Variants in FHIP1A observed in about 807,000 individuals in gnomAD.
FHIP1A encodes the protein FHF complex subunit HOOK-interacting protein 1A.
In FHIP1A, 61 loss-of-function variants were observed where a neutral mutation model predicts 88.6. The ratio of observed to expected loss-of-function variants is 0.69; its 90% CI spans 0.56 to 0.85. The LOEUF (loss-of-function observed/expected upper bound fraction) is 0.85. Among genes scored for constraint, FHIP1A ranks in the 40% least tolerant of loss-of-function variants. The probability of loss-of-function intolerance (pLI) is 0.00; values close to 1 mark genes in which losing one functional copy is unlikely to be tolerated. For synonymous variants in FHIP1A, 478 were observed against 496.0 expected (o/e 0.96, Z 0.48); for missense variants, 1,154 against 1,273.5 (o/e 0.91, Z 1.43).
chr4:151,478,020 G>C lies in FHIP1A; in HGVS notation c.-247-4504G>C, dbSNP rs565026889. On this transcript the variant is annotated intron_variant, in intron 2 of 13. Transcript: ENST00000435205. ...ACTATGAATGTATTCTGCATATACT[G>C]TACATACTTATTACATGCATGAGAA... Among the ~76,000 whole-genome samples the C allele has an allele frequency of 2.0e-5, 3 of 152,132 alleles. No homozygotes were observed. In the South Asian group the frequency reaches 6.2e-4, roughly 32 times the overall value.
At chr4:151,545,051 G>C (rs1414019649) in intron 3 of FHIP1A, among the ~76,000 whole-genome samples, 1 of 152,116 alleles carries the variant, frequency 6.6e-6, no homozygotes, top group Non-Finnish European at 1.5e-5. Flanking sequence ...CTCCAGCCTG[G>C]GCAACACAGT....
At chr4:151,518,407 G>A (rs750490796) in intron 3 of FHIP1A, among the ~76,000 whole-genome samples, 3 of 152,090 alleles carry the variant, frequency 2.0e-5, no homozygotes, top group Non-Finnish European at 4.4e-5. Flanking sequence ...GTAAGGATGC[G>A]TTTCTCAGAA....
rs1303087618 is a variant in FHIP1A at position 151,656,548 on chromosome 4, C to T, written c.2730+138C>T. ...CTTTCCTTCCCTGTCCTATTAAGCTCACTGTGTAGTTTATTCTAGACAAAC... is the reference window on the plus strand; with the variant it reads ...CTTTCCTTCCCTGTCCTATTAAGCTTACTGTGTAGTTTATTCTAGACAAAC... On this transcript the variant is annotated intron_variant, in intron 12 of 13. Transcript: ENST00000435205. This position sits in a 1 kb window ranked among gnomAD's most constrained non-coding sequence, Gnocchi z 4.2. The T allele has an allele frequency of 9.7e-7, 1 of 1,036,108 alleles. No homozygotes were observed. Among genetic ancestry groups the T allele is most frequent in the Admixed American group, 2.6e-5 (1 of 39,134 alleles). 64.2% of individuals were successfully genotyped at this position (1,036,108 alleles called of 1,614,324 possible). A position where few individuals can be genotyped will look rare whatever the true frequency, so the allele number is the denominator to read the frequency against.
At position 151,494,492 on chromosome 4, in the gene FHIP1A, C is replaced by G. The variant is rs978153583; in HGVS notation, c.-123+11844C>G. Reference sequence around the variant, plus strand: ...AGATCAGATGGTTGTAGATGTATAGCTTTATTTCTAGGCTCTCTATTCTGT... The same window carrying G: ...AGATCAGATGGTTGTAGATGTATAGGTTTATTTCTAGGCTCTCTATTCTGT... On this transcript the variant is annotated intron_variant, in intron 3 of 13. Transcript: ENST00000435205. Among the ~76,000 whole-genome samples the G allele has an allele frequency of 2.6e-5, 4 of 152,080 alleles. No homozygotes were observed. In the South Asian group the frequency reaches 8.3e-4, roughly 31 times the overall value.
chr4:151,523,173 C>T (rs1224287757), intron 3 of FHIP1A, among the ~76,000 whole-genome samples: 1 of 152,114 alleles, frequency 6.6e-6, no homozygotes, highest in Non-Finnish European at 1.5e-5. Context: ...GAGGCGGTTG[C>T]AGGAGAAAAT....
At chr4:151,570,652 T>C (rs1011807803) in intron 4 of FHIP1A, among the ~76,000 whole-genome samples, 1 of 152,198 alleles carries the variant, frequency 6.6e-6, no homozygotes, top group African/African-American at 2.4e-5. Context: ...ATACAGTATC[T>C]TCTTCACACT....
chr4:151,609,614 C>G (rs946008640), intron 7 of FHIP1A, among the ~76,000 whole-genome samples: 8 of 152,038 alleles, frequency 5.3e-5, no homozygotes, highest in Admixed American at 2.0e-4. Flanking sequence ...TATCTGAAGT[C>G]TTGTGCTGAG....
intron 5 of FHIP1A, among the ~76,000 whole-genome samples, chr4:151,582,868 T>C (rs1459990866): frequency 2.0e-5 from 3 of 152,236 alleles, no homozygotes; most frequent in African/African-American, 7.2e-5. Context: ...TTTAATAATT[T>C]AATTCTAAGT....
intron 2 of FHIP1A, among the ~76,000 whole-genome samples, chr4:151,481,703 T>A (rs1729901830): frequency 6.6e-6 from 1 of 152,062 alleles, no homozygotes. Context: ...AAAAATGTAC[T>A]CTCTTGGACA....
At chr4:151,567,071 T>A (rs1293832542) in intron 4 of FHIP1A, among the ~76,000 whole-genome samples, 1 of 152,030 alleles carries the variant, frequency 6.6e-6, no homozygotes, top group Non-Finnish European at 1.5e-5. Flanking sequence ...GATTATAAAA[T>A]TTTTTTTGAT....
intron 1 of FHIP1A, among the ~76,000 whole-genome samples, chr4:151,424,973 G>T (rs1733308531): frequency 6.6e-6 from 1 of 152,186 alleles, no homozygotes; most frequent in African/African-American, 2.4e-5. Context: ...ATGGACATCA[G>T]TAGCTGCTAA....
chr4:151,539,292 G>A (rs1035618489), intron 3 of FHIP1A, among the ~76,000 whole-genome samples: 5 of 152,132 alleles, frequency 3.3e-5, no homozygotes, highest in African/African-American at 1.2e-4. Flanking sequence ...TTATAGTACA[G>A]TAGACGTGGC....
At chr4:151,569,097 C>G (rs1409291829) in intron 4 of FHIP1A, among the ~76,000 whole-genome samples, 1 of 152,154 alleles carries the variant, frequency 6.6e-6, no homozygotes, top group Non-Finnish European at 1.5e-5. Context: ...TTGACATAAG[C>G]TCCTAGGCCT....
chr4:151,414,529 C>T (rs949877141), intron 1 of FHIP1A, among the ~76,000 whole-genome samples: 6 of 152,096 alleles, frequency 3.9e-5, no homozygotes, highest in East Asian at 1.9e-4. Context: ...TAGAGATGTG[C>T]GGTTTGTCTG....
intron 1 of FHIP1A, among the ~76,000 whole-genome samples, chr4:151,421,989 G>C (rs2126522621): frequency 6.6e-6 from 1 of 152,066 alleles, no homozygotes; most frequent in East Asian, 1.9e-4. Context: ...TCTACTAGGG[G>C]ATGCAACCAT....
At chr4:151,587,717 A>G (rs1422478705) in intron 6 of FHIP1A, among the ~76,000 whole-genome samples, 3 of 152,054 alleles carry the variant, frequency 2.0e-5, no homozygotes, top group Non-Finnish European at 4.4e-5. Context: ...TTTATCTACC[A>G]AATAAAGAAA....
At chr4:151,497,875 G>C (rs1050026396) in intron 3 of FHIP1A, among the ~76,000 whole-genome samples, 1 of 152,132 alleles carries the variant, frequency 6.6e-6, no homozygotes, top group African/African-American at 2.4e-5. Context: ...CTGCTAAATC[G>C]GTTTGGTGAG....
At chr4:151,521,238 G>A (rs1257264264) in intron 3 of FHIP1A, among the ~76,000 whole-genome samples, 3 of 152,122 alleles carry the variant, frequency 2.0e-5, no homozygotes, top group Non-Finnish European at 4.4e-5. Flanking sequence ...TGGTATGTAG[G>A]CTACCCTAGA....
chr4:151,638,337 G>GTGTGT (rs1560814264), intron 8 of FHIP1A, among the ~76,000 whole-genome samples: 2 of 151,772 alleles, frequency 1.3e-5, no homozygotes, highest in African/African-American at 4.8e-5. Context: ...GTGTGTGTGT[G>GTGTGT]TGTGTGTGTA....
Sources: allele counts gnomAD v4.1 joint callset (sites outside exome capture counted in the v4.1 genomes callset), GRCh38; gene constraint gnomAD v4.1.1; non-coding constraint Gnocchi (gnomAD v3.1); transcripts MANE v1.5; gene names NCBI Gene and HGNC (gene_info 2026-07-23, HGNC 2026-07-21).